Variants in SLC5A8 observed in about 807,000 individuals in gnomAD.
SLC5A8 encodes the protein solute carrier family 5 member 8, also known as sodium-coupled monocarboxylate transporter 1.
Under a neutral mutation model 71.9 loss-of-function variants are expected in SLC5A8, and 55 were observed. That is an observed-to-expected ratio of 0.77 (90% CI 0.62 to 0.96). The LOEUF is 0.96. SLC5A8 is among the 40% of genes least tolerant of loss of function. The pLI, the probability that SLC5A8 is intolerant of heterozygous loss-of-function variation, is 0.00. For synonymous variants in SLC5A8, 307 were observed against 276.1 expected (o/e 1.11, Z -1.11); for missense variants, 701 against 745.3 (o/e 0.94, Z 0.69).
chr12:101,179,728 T>C (rs554314784), intron 10 of SLC5A8, among the ~76,000 whole-genome samples: 8 of 152,190 alleles, frequency 5.3e-5, no homozygotes, highest in Non-Finnish European at 1.0e-4. Context: ...TATATCAATG[T>C]CAATATATGA....
intron 10 of SLC5A8, among the ~76,000 whole-genome samples, chr12:101,177,007 T>C (rs1170003104): frequency 6.6e-6 from 1 of 151,838 alleles, no homozygotes; most frequent in Non-Finnish European, 1.5e-5. Context: ...AAAACATCAA[T>C]GAAATTGACA....
intron 5 of SLC5A8, among the ~76,000 whole-genome samples, chr12:101,191,261 A>G (rs1317393510): frequency 6.6e-6 from 1 of 152,212 alleles, no homozygotes; most frequent in East Asian, 1.9e-4. Flanking sequence ...GGAAAGCTCA[A>G]CTTCCATGTT....
chr12:101,175,965 C>G (rs1309656389), intron 10 of SLC5A8, among the ~76,000 whole-genome samples: 1 of 151,960 alleles, frequency 6.6e-6, no homozygotes, highest in Non-Finnish European at 1.5e-5. Context: ...AAACAGACAA[C>G]TAAAAACTGA....
At chr12:101,177,996 C>G (rs1235398954) in intron 10 of SLC5A8, among the ~76,000 whole-genome samples, 3 of 152,122 alleles carry the variant, frequency 2.0e-5, no homozygotes, top group Non-Finnish European at 4.4e-5. Context: ...TATAACAAAA[C>G]AAACTAAACC....
At chr12:101,183,471 C>T (rs1038108672) in intron 8 of SLC5A8, among the ~76,000 whole-genome samples, 2 of 152,200 alleles carry the variant, frequency 1.3e-5, no homozygotes, top group African/African-American at 4.8e-5. Context: ...GTTGCTTCCA[C>T]TTGCTGTTAA....
intron 11 of SLC5A8, 81 bp downstream of exon 11, chr12:101,168,015 G>A: frequency 7.6e-7 from 1 of 1,314,032 alleles, no homozygotes; most frequent in Non-Finnish European, 1.1e-6. Flanking sequence ...AAATCTCAAA[G>A]GAACCAACTG....
chr12:101,208,192 C>A (rs566545524), intron 1 of SLC5A8, among the ~76,000 whole-genome samples: 1 of 152,282 alleles, frequency 6.6e-6, no homozygotes, highest in Admixed American at 6.5e-5. Context: ...ATCCTGCTCA[C>A]TTCTGGGATA....
Position 101,158,261 on chromosome 12 carries a change from A to G in SLC5A8, c.1698T>C (p.Asp566=), listed in dbSNP as rs770754986. 98 of 1,587,194 alleles carry G rather than the reference A, an allele frequency of 6.2e-5. No homozygotes were observed. The highest frequency in any genetic ancestry group is 8.4e-5 in the Non-Finnish European group (97 of 1,160,872). Residue 566 remains aspartate, a synonymous_variant, in exon 14 of 15, where the codon GAT becomes GAC. Transcript: ENST00000536262. Reference sequence around the variant, plus strand: ...AAAGCCAACTCACTTTCTTAAAAATATCAAAATTGGATAAAAAGTCCTCTT... The same window carrying G: ...AAAGCCAACTCACTTTCTTAAAAATGTCAAAATTGGATAAAAAGTCCTCTT... The part of the protein sequence containing the change: ...LTKEDFLSNF[D]IFKKKKHVLS...
chr12:101,163,566 C>T (rs2051741922), intron 12 of SLC5A8, among the ~76,000 whole-genome samples: 2 of 152,162 alleles, frequency 1.3e-5, no homozygotes, highest in African/African-American at 4.8e-5. Flanking sequence ...GTAATCCCAG[C>T]TACTTGGGAG....
rs974495749 is a variant in SLC5A8 at position 101,168,259 on chromosome 12, T to A, written c.1234-77A>T. 45 of 1,358,602 alleles carry A rather than the reference T, an allele frequency of 3.3e-5. 1 individual carries two copies. The South Asian group carries it at 5.5e-4, about 17-fold the overall frequency. The allele number at this position is 1,358,602 out of a possible 1,614,324, so 84.2% of individuals were successfully genotyped here. A position where few individuals can be genotyped will look rare whatever the true frequency, so the allele number is the denominator to read the frequency against. On this transcript the variant is annotated intron_variant, in intron 10 of 14. Coordinates refer to ENST00000536262, the MANE Select transcript of SLC5A8 (RefSeq NM_145913.5). ...ATATTTCAAAGTCATTTCATCAGGA[T>A]AATGACTTAAAGTATTCGGCCTCCT...
In SLC5A8 at chr12:101,190,245, C is replaced by T. The variant is rs1191504269; in HGVS notation, c.833+223G>A. On this transcript the variant is annotated intron_variant, in intron 6 of 14. Transcript: ENST00000536262. Reference sequence around the variant, plus strand: ...TATGCAAACAGATGCACAATAAATGCTGATTTGTTTTCATTAATAATTCCT... The same window carrying T: ...TATGCAAACAGATGCACAATAAATGTTGATTTGTTTTCATTAATAATTCCT... Among the ~76,000 whole-genome samples, 5 of 152,126 alleles carry T rather than the reference C, an allele frequency of 3.3e-5. No individual in the cohort carries two copies. In the South Asian group the frequency reaches 8.3e-4, roughly 25 times the overall value.
rs1353772961 is a variant in SLC5A8, at chr12:101,209,909, C to T, written c.-61G>A. The T allele has an allele frequency of 2.8e-6, 4 of 1,408,634 alleles. No individual in the cohort carries two copies. The highest frequency in any genetic ancestry group is 3.7e-6 in the Non-Finnish European group (4 of 1,066,918). 87.3% of individuals were successfully genotyped at this position (1,408,634 alleles called of 1,614,324 possible). ...GTGGCCCCGCGGCGCGCAGCCGGAG[C>T]CCGGCGCGCACTTCTTATCCCGGAT... On this transcript the variant is annotated 5_prime_UTR_variant, in exon 1 of 15. Coordinates refer to ENST00000536262, the MANE Select transcript of SLC5A8 (RefSeq NM_145913.5).
At chr12:101,207,145 G>T (rs185308802) in intron 1 of SLC5A8, among the ~76,000 whole-genome samples, 1 of 152,284 alleles carries the variant, frequency 6.6e-6, no homozygotes, top group East Asian at 1.9e-4. Flanking sequence ...GTTCCCAACT[G>T]CCTGGCACCC....
intron 9 of SLC5A8, among the ~76,000 whole-genome samples, chr12:101,181,987 C>A (rs1230477158): frequency 2.0e-5 from 3 of 152,030 alleles, no homozygotes; most frequent in Admixed American, 6.6e-5. Flanking sequence ...GATTCTTTCT[C>A]GAAAAGGAAT....
chr12:101,180,811 C>T (rs1334189963), intron 9 of SLC5A8, among the ~76,000 whole-genome samples: 2 of 152,140 alleles, frequency 1.3e-5, no homozygotes, highest in Non-Finnish European at 2.9e-5. Flanking sequence ...ACCTTGGCCT[C>T]CCAAAGTGCT....
intron 7 of SLC5A8, among the ~76,000 whole-genome samples, chr12:101,186,073 C>A (rs368560626): frequency 7.0e-6 from 1 of 142,668 alleles, no homozygotes; most frequent in African/African-American, 2.7e-5. Context: ...GGTAGGAAGC[C>A]GTAGGGATTT....
At chr12:101,179,725 A>G (rs115804383) in intron 10 of SLC5A8, among the ~76,000 whole-genome samples, 1 of 152,180 alleles carries the variant, frequency 6.6e-6, no homozygotes, top group African/African-American at 2.4e-5. Flanking sequence ...GGCTATATCA[A>G]TGTCAATATA....
chr12:101,181,497 C>T (rs1300638088), intron 9 of SLC5A8, among the ~76,000 whole-genome samples: 1 of 152,186 alleles, frequency 6.6e-6, no homozygotes, highest in Non-Finnish European at 1.5e-5. Flanking sequence ...TCATCAACAT[C>T]ATTCCATGAG....
chr12:101,187,532 A>G lies in SLC5A8; in HGVS notation c.834-17T>C. On this transcript the variant is annotated splice_polypyrimidine_tract_variant and intron_variant, in intron 6 of 14. Coordinates refer to ENST00000536262, the MANE Select transcript of SLC5A8 (RefSeq NM_145913.5). Reference sequence around the variant, plus strand: ...TAGAGAGACCTAAAGAAGTGAAAACAAACCAGCAAAAGACAACTGTAATTT... The same window carrying G: ...TAGAGAGACCTAAAGAAGTGAAAACGAACCAGCAAAAGACAACTGTAATTT... The G allele has an allele frequency of 6.3e-7, 1 of 1,585,382 alleles. No individual in the cohort carries two copies. The highest frequency in any genetic ancestry group is 8.6e-7 in the Non-Finnish European group (1 of 1,168,890).
Sources: allele counts gnomAD v4.1 joint callset (sites outside exome capture counted in the v4.1 genomes callset), GRCh38; gene constraint gnomAD v4.1.1; transcripts MANE v1.5; gene names NCBI Gene and HGNC (gene_info 2026-07-23, HGNC 2026-07-21).